Variants in MAP3K7 observed in about 807,000 individuals in gnomAD.
The protein encoded by MAP3K7 is mitogen-activated protein kinase kinase kinase 7.
Under a neutral mutation model 84.8 loss-of-function variants are expected in MAP3K7, and 21 were observed. The observed-to-expected ratio is 0.25, with a 90% confidence interval of 0.18 to 0.36. The LOEUF is 0.36. MAP3K7 is among the 10% of genes least tolerant of loss of function. The pLI, the probability that MAP3K7 is intolerant of heterozygous loss-of-function variation, is 1.00. For missense variants in MAP3K7, 503 were observed against 747.7 expected (o/e 0.67, Z 3.82); for synonymous variants, 241 against 247.7 (o/e 0.97, Z 0.25).
intron 1 of MAP3K7, among the ~76,000 whole-genome samples, chr6:90,586,014 G>C (rs923134152): frequency 6.6e-6 from 1 of 152,162 alleles, no homozygotes; most frequent in Non-Finnish European, 1.5e-5. Context: ...AGCATTTATT[G>C]AGCATCCCCT....
Position 90,516,361 on chromosome 6 carries a change from A to G in MAP3K7, c.*140T>C, listed in dbSNP as rs185739991. On this transcript the variant is annotated 3_prime_UTR_variant, in exon 17 of 17. Transcript: ENST00000369329. ...ATGAGAAAAGGAAAATAAACAATGA[A>G]AAAAATGCAGCAAATATAGGCAGTT... 1.7e-4 allele frequency: 139 copies of G among 805,300 alleles called. No homozygotes were observed. Among genetic ancestry groups the G allele is most frequent in the Non-Finnish European group, 2.2e-5 (11 of 494,248 alleles). The allele number at this position is 805,300 out of a possible 1,614,324, so 49.9% of individuals were successfully genotyped here.
At chr6:90,518,943 T>G (rs2030396387) in intron 15 of MAP3K7, among the ~76,000 whole-genome samples, 1 of 151,780 alleles carries the variant, frequency 6.6e-6, no homozygotes, top group African/African-American at 2.4e-5. Flanking sequence ...ACAAATGTAT[T>G]AAATAGAAAT....
chr6:90,573,651 C>T (rs1776977984), intron 1 of MAP3K7, among the ~76,000 whole-genome samples: 1 of 152,166 alleles, frequency 6.6e-6, no homozygotes, highest in Admixed American at 6.5e-5. Context: ...AAAAGGGAGG[C>T]AAATGGAGTC....
chr6:90,586,999 C>G lies in MAP3K7; in HGVS notation c.-116G>C, dbSNP rs544289499. The G allele has an allele frequency of 5.9e-5, 74 of 1,247,032 alleles. No individual in the cohort carries two copies. In the South Asian group the frequency reaches 1.0e-3, roughly 17 times the overall value. 77.2% of individuals were successfully genotyped at this position (1,247,032 alleles called of 1,614,324 possible). On this transcript the variant is annotated 5_prime_UTR_variant, in exon 1 of 17. Transcript: ENST00000369329. ...AGCCTGGAGCCGCGCAGTCCTACTACCCGGCGATCCGTGGCGGGGGTAGAG... is the reference window on the plus strand; with the variant it reads ...AGCCTGGAGCCGCGCAGTCCTACTAGCCGGCGATCCGTGGCGGGGGTAGAG...
At chr6:90,529,694 T>A (rs948832903) in intron 13 of MAP3K7, among the ~76,000 whole-genome samples, 1 of 152,188 alleles carries the variant, frequency 6.6e-6, no homozygotes, top group Admixed American at 6.5e-5. Context: ...ACACGAGATT[T>A]TTTTCTTCTT....
chr6:90,550,237 T>C (rs1044427188), intron 9 of MAP3K7, among the ~76,000 whole-genome samples: 1 of 152,194 alleles, frequency 6.6e-6, no homozygotes, highest in Non-Finnish European at 1.5e-5. Context: ...CATCTTTTTA[T>C]TCATAATTAT....
At chr6:90,550,195 T>C (rs1440388270) in intron 9 of MAP3K7, among the ~76,000 whole-genome samples, 1 of 152,184 alleles carries the variant, frequency 6.6e-6, no homozygotes, top group African/African-American at 2.4e-5. Flanking sequence ...ATTTTTCAAG[T>C]TAAGAATGAC....
chr6:90,523,584 G>T, intron 14 of MAP3K7, 94 bp downstream of exon 14: 2 of 751,138 alleles, frequency 2.7e-6, no homozygotes, highest in Non-Finnish European at 2.3e-6. Flanking sequence ...ACAGTATAAT[G>T]CCTGCCTTTG....
chr6:90,535,757 G>C (rs1239053349), intron 13 of MAP3K7, among the ~76,000 whole-genome samples: 1 of 152,062 alleles, frequency 6.6e-6, no homozygotes, highest in East Asian at 1.9e-4. Context: ...AGAGTTTAGA[G>C]GAGGATCCAG....
At chr6:90,531,532 C>T (rs941533887) in intron 13 of MAP3K7, among the ~76,000 whole-genome samples, 1 of 152,150 alleles carries the variant, frequency 6.6e-6, no homozygotes, top group African/African-American at 2.4e-5. Flanking sequence ...GAAGGTTGTA[C>T]TGAAAATATT....
At chr6:90,569,224 GTCTA>G (rs1397352853) in intron 2 of MAP3K7, among the ~76,000 whole-genome samples, 1 of 152,086 alleles carries the variant, frequency 6.6e-6, no homozygotes, top group African/African-American at 2.4e-5. Context: ...GTGAACTTTA[GTCTA>G]TCTGACTTAA....
At chr6:90,554,066 T>C (rs566834454) in intron 6 of MAP3K7, among the ~76,000 whole-genome samples, 1 of 152,142 alleles carries the variant, frequency 6.6e-6, no homozygotes, top group Admixed American at 6.5e-5. Context: ...CTGGCACAAC[T>C]GGTTAATTTT....
intron 1 of MAP3K7, among the ~76,000 whole-genome samples, chr6:90,576,177 A>G (rs113306640): frequency 0.064 from 9,680 of 152,164 alleles, 383 homozygotes; most frequent in Middle Eastern, 0.099. Flanking sequence ...CAATCCCAGC[A>G]CTTTGGGAGG....
chr6:90,547,170 C>G, intron 11 of MAP3K7, 88 bp downstream of exon 11: 1 of 1,450,240 alleles, frequency 6.9e-7, no homozygotes, highest in East Asian at 2.4e-5. Context: ...ATATAAGACA[C>G]ACACAAAAAA....
rs1316533027 is a variant in MAP3K7, at chr6:90,568,769, T to C, written c.232-146A>G. On this transcript the variant is annotated intron_variant, in intron 2 of 16. Coordinates refer to ENST00000369329, the MANE Select transcript of MAP3K7 (RefSeq NM_145331.3). ...TACTATGTAACAGGCATTGCAATCA[T>C]AGTCACTGAAAATACCAAGTGACTG... 6 of 593,188 alleles carry C rather than the reference T, an allele frequency of 1.0e-5. No homozygotes were observed. The Admixed American group carries it at 1.1e-4, about 11-fold the overall frequency. 36.7% of individuals were successfully genotyped at this position (593,188 alleles called of 1,614,324 possible).
At chr6:90,531,531 A>G (rs1475904231) in intron 13 of MAP3K7, among the ~76,000 whole-genome samples, 1 of 152,224 alleles carries the variant, frequency 6.6e-6, no homozygotes, top group Non-Finnish European at 1.5e-5. Flanking sequence ...TGAAGGTTGT[A>G]CTGAAAATAT....
chr6:90,529,288 G>A lies in MAP3K7; in HGVS notation c.1357-5505C>T, dbSNP rs574471713. ...CATATTCACCTAAAGATAATACGGC[G>A]TAGTGCACAGGGCATGCATAAAACT... On this transcript the variant is annotated intron_variant, in intron 13 of 16. Transcript: ENST00000369329. 1.3e-4 allele frequency among the ~76,000 whole-genome samples: 20 copies of A among 152,224 alleles called. No homozygotes were observed. In the South Asian group the frequency reaches 2.7e-3, roughly 21 times the overall value.
chr6:90,568,221 G>T (rs529343858), intron 3 of MAP3K7, among the ~76,000 whole-genome samples: 8 of 151,858 alleles, frequency 5.3e-5, no homozygotes, highest in African/African-American at 1.9e-4. Context: ...AATAAAAAAA[G>T]ATATCAAAAA....
At chr6:90,551,427 G>A (rs1776175901) in intron 8 of MAP3K7, 1 of 152,048 alleles carries the variant, frequency 6.6e-6, no homozygotes. Flanking sequence ...CCAAAAACCA[G>A]AGGCGTAAAA....
Sources: allele counts gnomAD v4.1 joint callset (sites outside exome capture counted in the v4.1 genomes callset), GRCh38; gene constraint gnomAD v4.1.1; transcripts MANE v1.5; gene names NCBI Gene and HGNC (gene_info 2026-07-23, HGNC 2026-07-21).